The following ZFPM2 variants were observed in gnomAD, a reference collection of about 807,000 sequenced individuals.
ZFPM2 encodes the protein zinc finger protein, FOG family member 2, also known as zinc finger protein ZFPM2.
A neutral mutation model predicts 98.6 loss-of-function variants in ZFPM2; 20 were observed. The observed-to-expected ratio is 0.20, with a 90% CI of 0.14 to 0.29. The LOEUF (loss-of-function observed/expected upper bound fraction) is 0.29. ZFPM2 is among the 10% of genes least tolerant of loss of function. The pLI, the probability that ZFPM2 is intolerant of heterozygous loss-of-function variation, is 1.00. For missense variants in ZFPM2, 1,310 were observed against 1,388.6 expected, an observed-to-expected ratio of 0.94 and a Z score of 0.90; for synonymous variants, 518 against 502.7, an observed-to-expected ratio of 1.03 and a Z score of -0.41.
At chr8:105,585,013 G>A (rs947286900) in intron 4 of ZFPM2, among the ~76,000 whole-genome samples, 2 of 152,118 alleles carry the variant, frequency 1.3e-5, no homozygotes, top group African/African-American at 4.8e-5. Flanking sequence ...GGAAAATTAT[G>A]GTGGAATAAA....
At chr8:105,715,408 GAAAA>G (rs201460894) in intron 5 of ZFPM2, among the ~76,000 whole-genome samples, 1 of 109,736 alleles carries the variant, frequency 9.1e-6, no homozygotes, top group Non-Finnish European at 1.9e-5. Context: ...CCCATCTCTT[GAAAA>G]AAAAAAAAAA....
At chr8:105,792,054 T>C (rs1226575798) in intron 6 of ZFPM2, among the ~76,000 whole-genome samples, 1 of 152,194 alleles carries the variant, frequency 6.6e-6, no homozygotes, top group East Asian at 1.9e-4. Flanking sequence ...CCTGGATTCA[T>C]TAATTTTTGA....
intron 4 of ZFPM2, chr8:105,616,819 ACT>A (rs1816425861): frequency 4.9e-6 from 1 of 202,884 alleles, no homozygotes; most frequent in Non-Finnish European, 1.0e-5. Flanking sequence ...GGAGTTTGAG[ACT>A]GGCCTGGCCA....
intron 3 of ZFPM2, among the ~76,000 whole-genome samples, chr8:105,467,136 C>T (rs1331475262): frequency 6.6e-6 from 1 of 152,050 alleles, no homozygotes; most frequent in Non-Finnish European, 1.5e-5. Context: ...CCCCTCACCT[C>T]TTAACATTGA....
intron 5 of ZFPM2, among the ~76,000 whole-genome samples, chr8:105,691,394 G>A (rs1297695998): frequency 1.4e-5 from 2 of 142,890 alleles, no homozygotes; most frequent in East Asian, 2.0e-4. Context: ...GACTACGGGC[G>A]CCCGCCACCG....
chr8:105,681,831 G>T (rs1439866674), intron 5 of ZFPM2, among the ~76,000 whole-genome samples: 2 of 152,070 alleles, frequency 1.3e-5, no homozygotes, highest in Non-Finnish European at 2.9e-5. Context: ...TGTGTGCTTT[G>T]TGTCTTTTTT....
intron 4 of ZFPM2, among the ~76,000 whole-genome samples, chr8:105,630,035 T>A (rs1816727957): frequency 1.3e-5 from 2 of 152,194 alleles, no homozygotes; most frequent in Non-Finnish European, 2.9e-5. Context: ...GAAATAGGCA[T>A]CTTTGGGAGA....
intron 4 of ZFPM2, among the ~76,000 whole-genome samples, chr8:105,578,936 C>T (rs1815526585): frequency 6.6e-6 from 1 of 152,090 alleles, no homozygotes; most frequent in Non-Finnish European, 1.5e-5. Context: ...ATGGCATTAA[C>T]AATCTGATCC....
intron 1 of ZFPM2, among the ~76,000 whole-genome samples, chr8:105,413,507 T>TATATATATACAC (rs1554602641): frequency 1.5e-5 from 2 of 135,558 alleles, no homozygotes; most frequent in African/African-American, 2.6e-5. Context: ...TATATATATA[T>TATATATATACAC]ACACACACAC....
At chr8:105,792,127 G>A (rs938017042) in intron 6 of ZFPM2, among the ~76,000 whole-genome samples, 2 of 152,060 alleles carry the variant, frequency 1.3e-5, no homozygotes, top group Admixed American at 1.3e-4. Context: ...CTTGCCTTCT[G>A]CTAGTTTTTG....
intron 5 of ZFPM2, among the ~76,000 whole-genome samples, chr8:105,719,806 A>G (rs1262656652): frequency 2.0e-5 from 3 of 151,918 alleles, no homozygotes; most frequent in African/African-American, 7.2e-5. Context: ...GGAGTGAACA[A>G]TATAATTAGT....
intron 3 of ZFPM2, chr8:105,451,832 A>C (rs1318636974): frequency 6.6e-6 from 1 of 152,206 alleles, no homozygotes; most frequent in Non-Finnish European, 1.5e-5. Context: ...CTATGTGGGC[A>C]GTCACTTATA....
intron 5 of ZFPM2, among the ~76,000 whole-genome samples, chr8:105,745,399 T>C (rs1812319761): frequency 6.6e-6 from 1 of 152,160 alleles, no homozygotes; most frequent in Admixed American, 6.5e-5. Flanking sequence ...AAACATGTTG[T>C]AACTGTACTT....
intron 5 of ZFPM2, among the ~76,000 whole-genome samples, chr8:105,692,042 C>T (rs1810897547): frequency 6.6e-6 from 1 of 152,188 alleles, no homozygotes; most frequent in Non-Finnish European, 1.5e-5. Context: ...TGATTCTGTA[C>T]AAGTCATGCT....
At chr8:105,720,172 A>G (rs1811626338) in intron 5 of ZFPM2, among the ~76,000 whole-genome samples, 1 of 151,800 alleles carries the variant, frequency 6.6e-6, no homozygotes, top group Non-Finnish European at 1.5e-5. Context: ...TAGGGATGCA[A>G]ATGAACAGAA....
At chr8:105,404,371 CTTTG>C (rs887933320) in intron 1 of ZFPM2, among the ~76,000 whole-genome samples, 5 of 151,854 alleles carry the variant, frequency 3.3e-5, no homozygotes, top group Non-Finnish European at 7.4e-5. Context: ...CTTTTTCCCT[CTTTG>C]TTTGAGATTT....
At chr8:105,354,171 G>GT (rs1296306975) in intron 1 of ZFPM2, among the ~76,000 whole-genome samples, 1 of 152,198 alleles carries the variant, frequency 6.6e-6, no homozygotes, top group African/African-American at 2.4e-5. Context: ...ATACAAACCA[G>GT]TGAAATTGTT....
chr8:105,516,196 G>A (rs1157055440), intron 3 of ZFPM2, among the ~76,000 whole-genome samples: 1 of 152,082 alleles, frequency 6.6e-6, no homozygotes, highest in African/African-American at 2.4e-5. Flanking sequence ...AAAGTGCTGG[G>A]ATTGCAGGTG....
At chr8:105,441,993 G>T (rs540082266) in intron 2 of ZFPM2, among the ~76,000 whole-genome samples, 1 of 151,990 alleles carries the variant, frequency 6.6e-6, no homozygotes, top group Non-Finnish European at 1.5e-5. Context: ...CTTTATGCTT[G>T]CTAAGACTTG....
Sources: allele counts gnomAD v4.1 joint callset (sites outside exome capture counted in the v4.1 genomes callset), GRCh38; gene constraint gnomAD v4.1.1; transcripts MANE v1.5; gene names NCBI Gene and HGNC (gene_info 2026-07-23, HGNC 2026-07-21).